The following RARB variants were observed in gnomAD, a reference collection of about 807,000 sequenced individuals.
The protein encoded by RARB is retinoic acid receptor beta.
In RARB, 17 loss-of-function variants were observed where a neutral mutation model predicts 51.9. That is an observed-to-expected ratio of 0.33 (90% confidence interval 0.22 to 0.49). RARB has a LOEUF of 0.49. Ranked by LOEUF, RARB falls within the 20% of genes least tolerant of loss-of-function variation. The pLI is 0.99. For synonymous variants in RARB, 215 were observed against 195.4 expected, an observed-to-expected ratio of 1.10 and a Z score of -0.84; for missense variants, 369 against 550.8, an observed-to-expected ratio of 0.67 and a Z score of 3.30.
At chr3:24,931,587 A>G (rs1262075374) in intron 2 of RARB, among the ~76,000 whole-genome samples, 5 of 152,130 alleles carry the variant, frequency 3.3e-5, no homozygotes, top group African/African-American at 1.2e-4. Flanking sequence ...TGTATATATA[A>G]TGCAGAGTAC....
At chr3:25,586,887 C>T (rs1701414680) in intron 5 of RARB, among the ~76,000 whole-genome samples, 1 of 152,330 alleles carries the variant, frequency 6.6e-6, no homozygotes, top group Non-Finnish European at 1.5e-5. Context: ...TCTGTGCCAT[C>T]ACGAGGAGGC....
At chr3:24,870,772 T>C (rs1484952720) in intron 2 of RARB, among the ~76,000 whole-genome samples, 1 of 152,118 alleles carries the variant, frequency 6.6e-6, no homozygotes, top group Middle Eastern at 3.2e-3. Flanking sequence ...AATAGGCACA[T>C]ATATTTATAG....
At chr3:24,953,983 T>G (rs1390594817) in intron 2 of RARB, among the ~76,000 whole-genome samples, 6 of 152,196 alleles carry the variant, frequency 3.9e-5, no homozygotes, top group Non-Finnish European at 7.4e-5. Context: ...AGCGCTCAGA[T>G]GAGTTTTGTC....
intron 2 of RARB, among the ~76,000 whole-genome samples, chr3:25,482,444 G>C (rs926482816): frequency 1.4e-5 from 2 of 147,720 alleles, no homozygotes; most frequent in African/African-American, 5.1e-5. Flanking sequence ...GAACCCAGTA[G>C]ACCAGCACTG....
chr3:25,213,455 A>G (rs972239667), intron 5 of RARB, among the ~76,000 whole-genome samples: 8 of 152,206 alleles, frequency 5.3e-5, no homozygotes, highest in Admixed American at 2.6e-4. Context: ...CATCTCATTT[A>G]TTCATTCTAT....
chr3:24,902,840 C>T (rs1434618577), intron 2 of RARB, among the ~76,000 whole-genome samples: 1 of 152,100 alleles, frequency 6.6e-6, no homozygotes, highest in Non-Finnish European at 1.5e-5. Flanking sequence ...GGATATTTTA[C>T]ATTAATTATA....
chr3:25,319,033 C>T (rs1704496561), intron 5 of RARB, among the ~76,000 whole-genome samples: 1 of 152,098 alleles, frequency 6.6e-6, no homozygotes, highest in African/African-American at 2.4e-5. Flanking sequence ...GCTGTTAATG[C>T]TTATTAACTA....
At chr3:25,484,364 C>G (rs1475970434) in intron 2 of RARB, among the ~76,000 whole-genome samples, 1 of 151,772 alleles carries the variant, frequency 6.6e-6, no homozygotes. Context: ...TTTCTGAGAC[C>G]GTGATGTTGA....
At chr3:24,862,702 G>A (rs1216718837) in intron 2 of RARB, among the ~76,000 whole-genome samples, 1 of 152,122 alleles carries the variant, frequency 6.6e-6, no homozygotes, top group Non-Finnish European at 1.5e-5. Context: ...TCCACTGGGG[G>A]TCTTGGAATG....
chr3:24,870,614 G>T (rs1702928038), intron 2 of RARB, among the ~76,000 whole-genome samples: 1 of 152,026 alleles, frequency 6.6e-6, no homozygotes, highest in Admixed American at 6.6e-5. Flanking sequence ...TTAATCATTT[G>T]ATTGTAGCAT....
At chr3:25,198,594 G>A (rs148316163) in intron 5 of RARB, among the ~76,000 whole-genome samples, 270 of 151,816 alleles carry the variant, frequency 1.8e-3, no homozygotes, top group African/African-American at 6.5e-3. Context: ...CCTATAAATA[G>A]GAGAAACTCT....
At chr3:24,871,282 T>G (rs1702942967) in intron 2 of RARB, among the ~76,000 whole-genome samples, 1 of 152,286 alleles carries the variant, frequency 6.6e-6, no homozygotes, top group African/African-American at 2.4e-5. Flanking sequence ...TAATGTCTTT[T>G]TAAAGAATAT....
chr3:25,449,757 T>TC (rs747926302), intron 1 of RARB, among the ~76,000 whole-genome samples: 376 of 31,578 alleles, frequency 0.012, 1 homozygote, highest in Non-Finnish European at 0.017. Flanking sequence ...TCTCTCTCTC[T>TC]TTTTTTTTTT....
chr3:25,528,235 C>T (rs1028563122), intron 3 of RARB, among the ~76,000 whole-genome samples: 40 of 152,130 alleles, frequency 2.6e-4, no homozygotes, highest in African/African-American at 9.7e-4. Flanking sequence ...CGGTTAAACC[C>T]CTGAAGGACA....
At chr3:25,142,732 G>C (rs1700128711) in intron 4 of RARB, among the ~76,000 whole-genome samples, 1 of 152,072 alleles carries the variant, frequency 6.6e-6, no homozygotes, top group Non-Finnish European at 1.5e-5. Context: ...CTGCCTCCCA[G>C]AAAGCCTCCA....
intron 5 of RARB, among the ~76,000 whole-genome samples, chr3:25,192,858 T>G (rs183276376): frequency 4.6e-5 from 7 of 152,152 alleles, no homozygotes; most frequent in Admixed American, 3.9e-4. Context: ...TAGTCCCTCG[T>G]AGACAAACAC....
intron 2 of RARB, among the ~76,000 whole-genome samples, chr3:24,919,029 G>C (rs1695163559): frequency 6.6e-6 from 1 of 152,122 alleles, no homozygotes; most frequent in Admixed American, 6.6e-5. Flanking sequence ...AAATTACTTA[G>C]CCTCTCAGTG....
chr3:25,213,431 G>A (rs1701746225), intron 5 of RARB, among the ~76,000 whole-genome samples: 1 of 152,022 alleles, frequency 6.6e-6, no homozygotes, highest in Non-Finnish European at 1.5e-5. Context: ...GTATTCCATT[G>A]TATGAATATA....
At chr3:25,084,281 T>C (rs1025632333) in intron 3 of RARB, among the ~76,000 whole-genome samples, 5 of 152,204 alleles carry the variant, frequency 3.3e-5, no homozygotes, top group African/African-American at 1.2e-4. Context: ...CTCTCTCATG[T>C]GTTTCCCTTT....
Sources: allele counts gnomAD v4.1 joint callset (sites outside exome capture counted in the v4.1 genomes callset), GRCh38; gene constraint gnomAD v4.1.1; transcripts MANE v1.5; gene names NCBI Gene and HGNC (gene_info 2026-07-23, HGNC 2026-07-21).